The following MANBA variants were observed in gnomAD, a reference collection of about 807,000 sequenced individuals.
MANBA encodes mannosidase beta.
A neutral mutation model predicts 111.1 loss-of-function variants in MANBA; 83 were observed. That is an observed-to-expected ratio of 0.75 (90% CI 0.63 to 0.90). MANBA has a LOEUF of 0.90. Ranked by LOEUF, MANBA falls within the 40% of genes least tolerant of loss-of-function variation. The pLI, the probability that MANBA is intolerant of heterozygous loss-of-function variation, is 0.00. For synonymous variants in MANBA, 370 were observed against 378.7 expected, an observed-to-expected ratio of 0.98 and a Z score of 0.27; for missense variants, 1,036 against 1,069.0, an observed-to-expected ratio of 0.97 and a Z score of 0.43.
At chr4:102,633,243 G>A in intron 16 of MANBA, 1 of 398,550 alleles carries the variant, frequency 2.5e-6, no homozygotes, top group East Asian at 3.6e-5. Context: ...CAAATTCCCA[G>A]ATCGCACCGC....
intron 7 of MANBA, among the ~76,000 whole-genome samples, chr4:102,687,038 C>A (rs1732247967): frequency 1.3e-5 from 2 of 152,166 alleles, no homozygotes; most frequent in East Asian, 1.9e-4. Flanking sequence ...CACCCAACCC[C>A]TTCCCCCAAA....
rs1451916324 is a variant in MANBA, at chr4:102,632,129, G to A, written c.2568C>T (p.Tyr856=). The stretch of plus-strand genomic sequence containing the variant: ...CATTCTTGCTGGTGGGCTCCCAAGG[G>A]TAAAATAATATAGTTCGTGTCTTCT... ...MTEKTRTILF[Y]PWEPTSKNEL... is the part of the protein sequence containing the mutation. Residue 856 remains tyrosine, a synonymous_variant, in exon 17 of 17, where the codon TAC becomes TAT. Coordinates refer to ENST00000647097, the MANE Select transcript of MANBA (RefSeq NM_005908.4). 4 of 1,613,332 alleles carry A rather than the reference G, an allele frequency of 2.5e-6. 1 individual carries two copies. In the South Asian group the frequency reaches 4.4e-5, roughly 18 times the overall value.
chr4:102,673,282 G>A (rs1484735108), intron 8 of MANBA, among the ~76,000 whole-genome samples: 1 of 152,142 alleles, frequency 6.6e-6, no homozygotes, highest in Non-Finnish European at 1.5e-5. Context: ...TGAGGCAGGT[G>A]GATCATTTGA....
chr4:102,634,639 G>T, intron 16 of MANBA, 149 bp downstream of exon 16: 1 of 1,049,218 alleles, frequency 9.5e-7, no homozygotes, highest in Non-Finnish European at 1.5e-6. Context: ...TTTGCTTTTA[G>T]TGGGAAGAGG....
At chr4:102,697,345 AT>A (rs1319202773) in intron 5 of MANBA, among the ~76,000 whole-genome samples, 2 of 143,298 alleles carry the variant, frequency 1.4e-5, no homozygotes, top group African/African-American at 5.7e-5. Context: ...ACAAATCTTT[AT>A]TTTATTTTAT....
intron 7 of MANBA, chr4:102,681,489 T>C (rs1455589282): frequency 2.0e-5 from 3 of 152,182 alleles, no homozygotes; most frequent in South Asian, 2.1e-4. Flanking sequence ...AAAGACACTA[T>C]TAAAATTAGT....
chr4:102,637,924 G>A (rs1729700768), intron 14 of MANBA, among the ~76,000 whole-genome samples: 1 of 152,204 alleles, frequency 6.6e-6, no homozygotes, highest in African/African-American at 2.4e-5. Context: ...TGTCTAAAGA[G>A]GGAAGGCAGC....
chr4:102,668,800 G>T, intron 10 of MANBA, 163 bp downstream of exon 10: 1 of 643,814 alleles, frequency 1.6e-6, no homozygotes, highest in East Asian at 2.9e-5. Flanking sequence ...TGATGGTAAA[G>T]CCATGACACT....
chr4:102,671,869 C>T (rs1291969980), intron 8 of MANBA: 2 of 422,948 alleles, frequency 4.7e-6, no homozygotes, highest in African/African-American at 4.1e-5. Flanking sequence ...TTCACATTAC[C>T]CTCAGGAAAA....
chr4:102,714,865 C>T (rs1336748760), intron 4 of MANBA, among the ~76,000 whole-genome samples: 6 of 152,174 alleles, frequency 3.9e-5, no homozygotes, highest in Non-Finnish European at 8.8e-5. Context: ...TCCAAATGTC[C>T]CCTTCTTAAA....
chr4:102,712,737 T>C (rs223506), intron 5 of MANBA, among the ~76,000 whole-genome samples: 65,338 of 151,818 alleles, frequency 0.43, 15,646 homozygotes, highest in African/African-American at 0.65. Flanking sequence ...CCATGTTGTC[T>C]AGGTCGGTCT....
At chr4:102,734,713 G>T (rs1162210547) in intron 1 of MANBA, 2 of 812,550 alleles carry the variant, frequency 2.5e-6, no homozygotes, top group Non-Finnish European at 2.0e-6. Flanking sequence ...CCCAGGTTCA[G>T]GGTCTGAGGA....
chr4:102,658,033 C>A, intron 11 of MANBA, 133 bp from the exon 12 acceptor site: 1 of 703,840 alleles, frequency 1.4e-6, no homozygotes, highest in South Asian at 1.5e-5. Context: ...GGACCACTTA[C>A]CTTCTTCCCT....
At chr4:102,713,217 T>C (rs917755149) in intron 5 of MANBA, among the ~76,000 whole-genome samples, 1 of 152,308 alleles carries the variant, frequency 6.6e-6, no homozygotes, top group African/African-American at 2.4e-5. Context: ...CACCACATTC[T>C]TTCTTACTGA....
At chr4:102,637,906 G>A (rs1729699732) in intron 14 of MANBA, among the ~76,000 whole-genome samples, 1 of 152,216 alleles carries the variant, frequency 6.6e-6, no homozygotes, top group African/African-American at 2.4e-5. Flanking sequence ...GCCCAGACTT[G>A]CGACTGCTGT....
At chr4:102,635,204 G>T (rs1253352372) in intron 15 of MANBA, among the ~76,000 whole-genome samples, 159 bp from the exon 16 acceptor site, 1 of 103,996 alleles carries the variant, frequency 9.6e-6, no homozygotes, top group East Asian at 2.7e-4. Context: ...CTAGCTATGT[G>T]ACTAAGTAAC....
chr4:102,703,152 A>T (rs2110260743), intron 5 of MANBA, among the ~76,000 whole-genome samples: 1 of 152,046 alleles, frequency 6.6e-6, no homozygotes, highest in African/African-American at 2.4e-5. Flanking sequence ...TGTTTTTGAG[A>T]CAGGGTCTTG....
At chr4:102,730,817 A>C (rs186385599) in intron 1 of MANBA, 2 of 415,494 alleles carry the variant, frequency 4.8e-6, no homozygotes, top group Non-Finnish European at 9.4e-6. Flanking sequence ...TTTGTCCTCA[A>C]ACTCAACTAT....
At position 102,657,986 on chromosome 4, in the gene MANBA, G is replaced by A. The variant is rs1263560637; in HGVS notation, c.1486-86C>T. On this transcript the variant is annotated intron_variant, in intron 11 of 16. Transcript: ENST00000647097. ...TTTACTTCTTTAAAAATACTAACAA[G>A]TCCCTGAAATGCCAAGTAGCTGATA... is the stretch of plus-strand genomic sequence containing the variant. The A allele has an allele frequency of 7.8e-6, 8 of 1,030,036 alleles. No homozygotes were observed. In the East Asian group the frequency reaches 2.0e-4, roughly 25 times the overall value. 63.8% of individuals were successfully genotyped at this position (1,030,036 alleles called of 1,614,324 possible).
Sources: allele counts gnomAD v4.1 joint callset (sites outside exome capture counted in the v4.1 genomes callset), GRCh38; gene constraint gnomAD v4.1.1; transcripts MANE v1.5; gene names NCBI Gene and HGNC (gene_info 2026-07-23, HGNC 2026-07-21).